Variants in MYO16 observed in about 807,000 individuals in gnomAD.
MYO16 encodes the protein myosin XVI.
MYO16 carries 94 observed loss-of-function variants against 205.3 expected under a neutral mutation model. The ratio of observed to expected loss-of-function variants is 0.46; its 90% confidence interval spans 0.39 to 0.54. The LOEUF (loss-of-function observed/expected upper bound fraction) is 0.54. MYO16 is among the 20% of genes least tolerant of loss of function. MYO16 has a pLI of 0.00. For missense variants in MYO16, 2,315 were observed against 2,387.5 expected (o/e 0.97, Z 0.63); for synonymous variants, 988 against 954.0 (o/e 1.04, Z -0.66).
chr13:108,548,477 G>A, the MYO16 span, among the ~76,000 whole-genome samples: 33 of 151,798 alleles, frequency 2.2e-4, no homozygotes, highest in African/African-American at 7.0e-4. Flanking sequence ...TGAAGACGAT[G>A]ATGATGCTGG....
intron 33 of MYO16, among the ~76,000 whole-genome samples, chr13:109,171,856 G>A (rs991796876): frequency 3.9e-5 from 6 of 152,096 alleles, no homozygotes; most frequent in African/African-American, 1.2e-4. Context: ...CAGACATTGC[G>A]TTTGCATTTA....
Position 109,043,005 on chromosome 13 carries a change from A to C in MYO16, c.2797-3911A>C, listed in dbSNP as rs530958296. 3.9e-5 allele frequency among the ~76,000 whole-genome samples: 6 copies of C among 152,326 alleles called. 1 individual carries two copies. Among genetic ancestry groups the C allele is most frequent in the African/African-American group, 1.2e-4 (5 of 41,570 alleles). On this transcript the variant is annotated intron_variant, in intron 23 of 34. Coordinates refer to ENST00000457511, the MANE Select transcript of MYO16 (RefSeq NM_001198950.3). ...TGGGAGTTTTTTTACTTTAGTTTGA[A>C]TGGAAGACCTTCAGCATTTTCTCTA...
intron 34 of MYO16, among the ~76,000 whole-genome samples, chr13:109,188,275 G>C (rs1244082602): frequency 6.6e-6 from 1 of 152,026 alleles, no homozygotes; most frequent in Admixed American, 6.5e-5. Context: ...TGAAAATTCA[G>C]TGTTTCTTCG....
the MYO16 span, among the ~76,000 whole-genome samples, chr13:108,521,948 G>A: frequency 6.6e-6 from 1 of 152,146 alleles, no homozygotes; most frequent in Non-Finnish European, 1.5e-5. Context: ...TTGGTTGGAG[G>A]CAGACTGAAT....
chr13:109,074,736 A>G (rs7336125), intron 27 of MYO16, among the ~76,000 whole-genome samples: 2,650 of 151,924 alleles, frequency 0.017, 70 homozygotes, highest in African/African-American at 0.061. Context: ...TCACTATCAC[A>G]AAAACAGCAT....
chr13:108,753,138 G>C (rs537831886), intron 4 of MYO16, among the ~76,000 whole-genome samples: 2 of 151,668 alleles, frequency 1.3e-5, no homozygotes, highest in Non-Finnish European at 2.9e-5. Flanking sequence ...GGGAGGCCGA[G>C]GTGGGTGGAT....
chr13:109,174,748 CTTTTTTTTTTT>C (rs34606084), intron 33 of MYO16, among the ~76,000 whole-genome samples: 1 of 85,630 alleles, frequency 1.2e-5, no homozygotes, highest in Non-Finnish European at 2.5e-5. Flanking sequence ...CTTGTCTTGT[CTTTTTTTTTTT>C]TTTTTTTTTT....
chr13:108,802,789 T>C (rs920934993), intron 6 of MYO16, among the ~76,000 whole-genome samples: 6 of 152,240 alleles, frequency 3.9e-5, no homozygotes, highest in African/African-American at 1.4e-4. Context: ...TGATATTTCA[T>C]TGTAGTTTTA....
chr13:108,979,095 A>T (rs541884934), intron 20 of MYO16, among the ~76,000 whole-genome samples: 1 of 152,022 alleles, frequency 6.6e-6, no homozygotes, highest in East Asian at 1.9e-4. Context: ...GAATCTGCCT[A>T]TGCAAATTAT....
At position 108,934,373 on chromosome 13, in the gene MYO16, G is replaced by T. The variant is rs116894427; in HGVS notation, c.1926-23315G>T. ...ATGAAAAGCATTTTTTCTTATGATT[G>T]TTGGCTGCTTGGGTGTCATCGTTTG... On this transcript the variant is annotated intron_variant, in intron 16 of 34. Coordinates refer to ENST00000457511, the MANE Select transcript of MYO16 (RefSeq NM_001198950.3). Among the ~76,000 whole-genome samples the T allele has an allele frequency of 1.2e-3, 187 of 152,204 alleles. 4 individuals carry two copies. The East Asian group carries it at 0.035, about 28-fold the overall frequency.
intron 1 of MYO16, among the ~76,000 whole-genome samples, chr13:108,664,596 C>A (rs1369155264): frequency 6.6e-6 from 1 of 152,186 alleles, no homozygotes; most frequent in Admixed American, 6.5e-5. Context: ...ATATAATCTT[C>A]TTGGATATGG....
intron 1 of MYO16, among the ~76,000 whole-genome samples, chr13:108,637,381 G>A (rs908278336): frequency 1.3e-5 from 2 of 152,158 alleles, no homozygotes; most frequent in African/African-American, 4.8e-5. Context: ...GCTTTCAATG[G>A]TTGGCCCAGA....
upstream of MYO16, among the ~76,000 whole-genome samples, chr13:108,625,401 C>T (rs777291313): frequency 8.5e-5 from 13 of 152,120 alleles, no homozygotes; most frequent in Non-Finnish European, 1.8e-4. Context: ...TGACCAGAGG[C>T]TGATTCTATA....
intron 23 of MYO16, among the ~76,000 whole-genome samples, chr13:109,032,958 C>G (rs1319335561): frequency 6.6e-6 from 1 of 152,080 alleles, no homozygotes; most frequent in Admixed American, 6.5e-5. Context: ...CAGAGAATTA[C>G]ATATAATTCT....
chr13:109,105,146 A>G (rs1170098892), intron 28 of MYO16, among the ~76,000 whole-genome samples: 1 of 152,228 alleles, frequency 6.6e-6, no homozygotes, highest in Non-Finnish European at 1.5e-5. Context: ...CAAACAATAC[A>G]GTACACTTGA....
At chr13:109,117,526 T>C (rs531484544) in intron 28 of MYO16, among the ~76,000 whole-genome samples, 18 of 148,692 alleles carry the variant, frequency 1.2e-4, no homozygotes, top group South Asian at 4.2e-4. Context: ...TATATATATA[T>C]ACACACACAT....
intron 22 of MYO16, among the ~76,000 whole-genome samples, chr13:109,010,976 T>TATATATATATATATATATATATAA (rs59979915): frequency 7.0e-6 from 1 of 143,218 alleles, no homozygotes; most frequent in Admixed American, 7.0e-5. Flanking sequence ...TATATATATA[T>TATATATATATATATATATATATAA]TTCTTCACCT....
At chr13:109,205,642 A>G (rs1005132047) in intron 34 of MYO16, among the ~76,000 whole-genome samples, 2 of 152,088 alleles carry the variant, frequency 1.3e-5, no homozygotes, top group Non-Finnish European at 2.9e-5. Flanking sequence ...GATATCTGCA[A>G]TGTCCAGCTA....
chr13:108,608,762 C>A (rs137927007), intron 1 of MYO16, among the ~76,000 whole-genome samples: 3 of 152,000 alleles, frequency 2.0e-5, no homozygotes, highest in Non-Finnish European at 2.9e-5. Flanking sequence ...CCTGCCTTGG[C>A]CTCCCGAATA....
Sources: gnomAD v4.1 joint callset for allele counts (sites outside exome capture counted in the v4.1 genomes callset) on GRCh38, gnomAD v4.1.1 for gene constraint, MANE v1.5 for transcripts, NCBI Gene and HGNC (gene_info 2026-07-23, HGNC 2026-07-21) for gene names.